CCDC85C: variants seen among roughly 807,000 people sequenced by gnomAD.
CCDC85C encodes the protein coiled-coil domain-containing protein 85C.
CCDC85C carries 18 observed loss-of-function variants against 38.3 expected under a neutral mutation model. The ratio of observed to expected loss-of-function variants is 0.47; its 90% CI spans 0.33 to 0.70. The LOEUF is 0.70. CCDC85C is among the 30% of genes least tolerant of loss of function. The pLI is 0.03. For missense variants in CCDC85C, 566 were observed against 621.2 expected (o/e 0.91, Z 0.94); for synonymous variants, 264 against 293.8 (o/e 0.90, Z 1.04).
chr14:99,527,977 G>C (rs1364884132), intron 2 of CCDC85C, among the ~76,000 whole-genome samples: 1 of 152,202 alleles, frequency 6.6e-6, no homozygotes, highest in Non-Finnish European at 1.5e-5. Flanking sequence ...CTGCATCACT[G>C]TCTTGCTATT....
rs912563511 is a variant in CCDC85C, at chr14:99,510,174, G to A, written c.*5072C>T. 6.3e-6 allele frequency: 10 copies of A among 1,597,838 alleles called. No individual in the cohort carries two copies. The highest frequency in any genetic ancestry group is 2.2e-5 in the East Asian group (1 of 44,486). On this transcript the variant is annotated 3_prime_UTR_variant, in exon 6 of 6. Transcript: ENST00000380243. ...TCCTGCAGACCGGAAGCCTCCCCTC[G>A]CTGCTGCCTTAGGTGAGGCTGAGCC...
At chr14:99,536,217 A>G (rs1897596212) in intron 1 of CCDC85C, 129 bp from the exon 2 acceptor site, 1 of 708,124 alleles carries the variant, frequency 1.4e-6, no homozygotes, top group African/African-American at 1.7e-5. Context: ...CAGCCAGGTG[A>G]CGCCCCAGCC....
rs1484867927 is a variant in CCDC85C, at chr14:99,503,497, C to G, written c.*11749G>C. 4 of 839,134 alleles carry G rather than the reference C, an allele frequency of 4.8e-6. 1 individual carries two copies. The South Asian group carries it at 6.5e-5, about 14-fold the overall frequency. The allele number at this position is 839,134 out of a possible 1,614,324, so 52.0% of individuals were successfully genotyped here. On this transcript the variant is annotated 3_prime_UTR_variant, in exon 6 of 6. Transcript: ENST00000380243. ...GTTCAGGCTAGAAATAATTTTTGTC[C>G]GAGGCTGTTCACAGTGACTGCCGTC...
chr14:99,568,807 G>A (rs535907981), intron 1 of CCDC85C, among the ~76,000 whole-genome samples: 6 of 152,370 alleles, frequency 3.9e-5, no homozygotes, highest in East Asian at 3.9e-4. Context: ...CAGATAAAAC[G>A]TGACTTCAGT....
intron 1 of CCDC85C, among the ~76,000 whole-genome samples, chr14:99,596,877 G>A (rs748690849): frequency 3.9e-5 from 6 of 152,186 alleles, no homozygotes; most frequent in Non-Finnish European, 8.8e-5. Flanking sequence ...CAGCATCAGC[G>A]CTGGGGATGG....
chr14:99,506,862 A>C lies in CCDC85C; in HGVS notation c.*8384T>G. 12 of 506,788 alleles carry C rather than the reference A, an allele frequency of 2.4e-5. No homozygotes were observed. Among genetic ancestry groups the C allele is most frequent in the East Asian group, 3.5e-5 (1 of 28,210 alleles). 31.4% of individuals were successfully genotyped at this position (506,788 alleles called of 1,614,324 possible). On this transcript the variant is annotated 3_prime_UTR_variant, in exon 6 of 6. Coordinates refer to ENST00000380243, the MANE Select transcript of CCDC85C (RefSeq NM_001144995.2). ...CATGGAAAATGGGCTGCCTGTGGGA[A>C]GCTCGCAGGTCTTTTGGAGGGAGGT...
chr14:99,587,207 C>G (rs535684265), intron 1 of CCDC85C, among the ~76,000 whole-genome samples: 1 of 152,208 alleles, frequency 6.6e-6, no homozygotes, highest in Non-Finnish European at 1.5e-5. Flanking sequence ...AGGGTGCTGG[C>G]ACATGATCCC....
At chr14:99,546,740 G>A (rs750584334) in intron 1 of CCDC85C, among the ~76,000 whole-genome samples, 3 of 152,072 alleles carry the variant, frequency 2.0e-5, no homozygotes, top group Non-Finnish European at 4.4e-5. Context: ...CGGTGCCGGC[G>A]GGGAAAGAAC....
intron 2 of CCDC85C, chr14:99,534,589 A>G: frequency 1.4e-6 from 1 of 701,822 alleles, no homozygotes; most frequent in South Asian, 1.5e-5. Context: ...CCTCTCCTAC[A>G]CACTGCATGG....
intron 1 of CCDC85C, among the ~76,000 whole-genome samples, chr14:99,586,516 G>A (rs529553046): frequency 6.6e-6 from 1 of 152,342 alleles, no homozygotes; most frequent in South Asian, 2.1e-4. Context: ...CTAGAGTGGG[G>A]GCATGGATAG....
chr14:99,585,187 C>T (rs574435457), intron 1 of CCDC85C, among the ~76,000 whole-genome samples: 2 of 152,358 alleles, frequency 1.3e-5, no homozygotes, highest in African/African-American at 2.4e-5. Context: ...AATAACATGT[C>T]ACTGTGGGCC....
Position 99,500,538 on chromosome 14 carries a change from A to AT in CCDC85C, c.*14707dup, listed in dbSNP as rs995676047. 4.7e-4 allele frequency: 212 copies of AT among 453,218 alleles called. No homozygotes were observed. Among genetic ancestry groups the AT allele is most frequent in the East Asian group, 8.4e-4 (21 of 24,858 alleles). The allele number at this position is 453,218 out of a possible 1,614,324, so 28.1% of individuals were successfully genotyped here. A position where few individuals can be genotyped will look rare whatever the true frequency, so the allele number is the denominator to read the frequency against. Reference sequence around the variant, plus strand: ...TTTTTAAGGATCTTTTGTTTTCAGTATTTTTTTTTACATTACACCTCTGCT... The same window carrying AT: ...TTTTTAAGGATCTTTTGTTTTCAGTATTTTTTTTTTACATTACACCTCTGCT... On this transcript the variant is annotated 3_prime_UTR_variant, in exon 6 of 6. Transcript: ENST00000380243.
At chr14:99,599,948 C>T (rs1224337646) in intron 1 of CCDC85C, among the ~76,000 whole-genome samples, 2 of 152,196 alleles carry the variant, frequency 1.3e-5, no homozygotes, top group South Asian at 2.1e-4. Flanking sequence ...AATACACAGG[C>T]CCACCAGGCC....
At position 99,520,695 on chromosome 14, in the gene CCDC85C, C is replaced by T. The variant is rs568162181; in HGVS notation, c.975+1438G>A. 7.9e-5 allele frequency among the ~76,000 whole-genome samples: 12 copies of T among 152,326 alleles called. No homozygotes were observed. The East Asian group carries it at 1.7e-3, about 22-fold the overall frequency. ...AGGAGCGACCCCTGCACAGCCCCCA[C>T]GCTGGCCCCTGACCTCTAGGCACAC... On this transcript the variant is annotated intron_variant, in intron 3 of 5. Coordinates refer to ENST00000380243, the MANE Select transcript of CCDC85C (RefSeq NM_001144995.2). The surrounding 1 kb of genome is among the most constrained non-coding windows in gnomAD (Gnocchi z 4.1).
chr14:99,565,302 G>C (rs140563432), intron 1 of CCDC85C, among the ~76,000 whole-genome samples: 50 of 152,196 alleles, frequency 3.3e-4, no homozygotes, highest in African/African-American at 1.2e-3. Context: ...CTCTGAGCAG[G>C]CTCTCTCACG....
Position 99,510,296 on chromosome 14 carries a change from GC to G in CCDC85C, c.*4949del. 7.2e-7 allele frequency: 1 copy of G among 1,397,830 alleles called. No individual in the cohort carries two copies. 86.6% of individuals were successfully genotyped at this position (1,397,830 alleles called of 1,614,324 possible). On this transcript the variant is annotated 3_prime_UTR_variant, in exon 6 of 6. Transcript: ENST00000380243. ...ACCAGCCACCGCCGCTGCCACACCGGCCCCCGCCCCCACCCCCCTCCAGCTA... is the reference window on the plus strand; with the variant it reads ...ACCAGCCACCGCCGCTGCCACACCGGCCCCGCCCCCACCCCCCTCCAGCTA...
rs1393292634 is a variant in CCDC85C, at chr14:99,517,181, G to A, written c.978C>T (p.Gly326=). ...GCAGCTCAGGTGCGGGGCAGGCCGG[G>A]CCCTGGGGAAGGCAATCACACATCT... ...PPSYQDSLQN[G]PACPAPELPS... Residue 326 remains glycine, a splice_region_variant and synonymous_variant, in exon 4 of 6, where the codon GGC becomes GGT. Transcript: ENST00000380243. The A allele has an allele frequency of 6.5e-7, 1 of 1,542,254 alleles. No individual in the cohort carries two copies. Among genetic ancestry groups the A allele is most frequent in the Non-Finnish European group, 8.8e-7 (1 of 1,142,650 alleles).
rs1485218856 is a variant in CCDC85C at position 99,516,805 on chromosome 14, C to T, written c.1071+283G>A. ...GAGGTTAGTTCTAGCCCCACTCCTG[C>T]CCCTCTCTCTCTGGCCTTAGTTGGG... On this transcript the variant is annotated intron_variant, in intron 4 of 5. Coordinates refer to ENST00000380243, the MANE Select transcript of CCDC85C (RefSeq NM_001144995.2). The surrounding 1 kb of genome is among the most constrained non-coding windows in gnomAD (Gnocchi z 5.5). Among the ~76,000 whole-genome samples, 2 of 152,114 alleles carry T rather than the reference C, an allele frequency of 1.3e-5. No homozygotes were observed. The highest frequency in any genetic ancestry group is 6.5e-5 in the Admixed American group (1 of 15,282).
At position 99,522,172 on chromosome 14, in the gene CCDC85C, A is replaced by G. The variant is rs1356777978; in HGVS notation, c.936T>C (p.Leu312=). 6.4e-7 allele frequency: 1 copy of G among 1,551,136 alleles called. No individual in the cohort carries two copies. The stretch of plus-strand genomic sequence containing the variant: ...CCTGGTAGGAGGGCGGCAGGGACGC[A>G]AGCTGGGACTCCGAGTGGTAGGGCG... ...GFSPYHSESQ[L]ASLPPSYQDS... Residue 312 remains leucine, a synonymous_variant, in exon 3 of 6, where the codon CTT becomes CTC. Coordinates refer to ENST00000380243, the MANE Select transcript of CCDC85C (RefSeq NM_001144995.2).
Sources: gnomAD v4.1 joint callset for allele counts (sites outside exome capture counted in the v4.1 genomes callset) on GRCh38, gnomAD v4.1.1 for gene constraint, Gnocchi (gnomAD v3.1) non-coding constraint, MANE v1.5 for transcripts, NCBI Gene and HGNC (gene_info 2026-07-23, HGNC 2026-07-21) for gene names.